The following RBM41 variants were observed in gnomAD, a reference collection of about 807,000 sequenced individuals.
The protein encoded by RBM41 is RNA-binding protein 41.
In RBM41, 14 loss-of-function variants were observed where a neutral mutation model predicts 30.8. That is an observed-to-expected ratio of 0.45 (90% CI 0.30 to 0.71). RBM41 has a LOEUF of 0.71. RBM41 is among the 30% of genes least tolerant of loss of function. The pLI, the probability that RBM41 is intolerant of heterozygous loss-of-function variation, is 0.08. For missense variants in RBM41, 276 were observed against 326.3 expected, an observed-to-expected ratio of 0.85 and a Z score of 1.19; for synonymous variants, 120 against 110.1, an observed-to-expected ratio of 1.09 and a Z score of -0.56.
rs985954678 is a variant in RBM41 at position 107,106,051 on chromosome X, CGAAAGAAACTACCATCAGAGT to C, written c.595+7325_595+7345del. Among the ~76,000 whole-genome samples, 4 of 111,242 alleles carry C rather than the reference CGAAAGAAACTACCATCAGAGT, an allele frequency of 3.6e-5. No homozygotes were observed. In the Admixed American group the frequency reaches 3.8e-4, roughly 11 times the overall value. On this transcript the variant is annotated intron_variant, in intron 5 of 7. Transcript: ENST00000685964. ...ATTAAACTAAAGAGCTTCTGTACAG[CGAAAGAAACTACCATCAGAGT>C]GAACAGGCAATCTACAGAATGGGAG...
In RBM41 at chrX:107,087,699, G is replaced by A. The variant is rs1450733002; in HGVS notation, c.999+737C>T. Reference sequence around the variant, plus strand: ...CGGCTCACTGCAACCTCCGCCTCCCGGGTTCAAGTGATTCTCCTGCCTCAG... The same window carrying A: ...CGGCTCACTGCAACCTCCGCCTCCCAGGTTCAAGTGATTCTCCTGCCTCAG... On this transcript the variant is annotated intron_variant, in intron 6 of 7. Transcript: ENST00000685964. 3.6e-5 allele frequency among the ~76,000 whole-genome samples: 4 copies of A among 112,003 alleles called. No homozygotes were observed. The Admixed American group carries it at 3.8e-4, about 11-fold the overall frequency.
In RBM41 at chrX:107,076,109, A is replaced by G. The variant is rs188699102; in HGVS notation, c.1000-6707T>C. ...GAAGCAGGCAGATCATGAGGTCAGG[A>G]GTTTGAGACCAGCCTGGCCAACATA... On this transcript the variant is annotated intron_variant, in intron 6 of 7. Coordinates refer to ENST00000685964, the MANE Select transcript of RBM41 (RefSeq NM_001324242.2). Among the ~76,000 whole-genome samples, 32 of 110,156 alleles carry G rather than the reference A, an allele frequency of 2.9e-4. 1 individual carries two copies. Among genetic ancestry groups the G allele is most frequent in the African/African-American group, 1.1e-3 (32 of 30,303 alleles).
intron 6 of RBM41, among the ~76,000 whole-genome samples, chrX:107,083,917 G>GTT (rs775394889): frequency 1.1e-5 from 1 of 95,052 alleles, no homozygotes; most frequent in Non-Finnish European, 2.1e-5. Context: ...CAGAATGTGT[G>GTT]TTTTTTTTTT....
intron 6 of RBM41, chrX:107,070,552 C>T (rs1478250584): frequency 8.6e-6 from 2 of 232,910 alleles, no homozygotes; most frequent in Non-Finnish European, 1.6e-5. Context: ...AGATTCCAAT[C>T]TGCTTTTTAG....
intron 5 of RBM41, among the ~76,000 whole-genome samples, chrX:107,093,531 G>T (rs1362437077): frequency 9.0e-6 from 1 of 111,576 alleles, no homozygotes; most frequent in Non-Finnish European, 1.9e-5. Flanking sequence ...AAAATATTTT[G>T]ACCTCAATGA....
chrX:107,107,976 A>ATTCAAT (rs1190337816), intron 5 of RBM41, among the ~76,000 whole-genome samples: 1 of 111,512 alleles, frequency 9.0e-6, no homozygotes, highest in Non-Finnish European at 1.9e-5. Flanking sequence ...TCACTGATTC[A>ATTCAAT]AGGTTAGAAA....
intron 6 of RBM41, among the ~76,000 whole-genome samples, chrX:107,075,238 G>A (rs1027726565): frequency 4.5e-5 from 5 of 111,771 alleles, no homozygotes; most frequent in African/African-American, 9.7e-5. Flanking sequence ...CTTATCTTAC[G>A]CCATACACAC....
At position 107,113,470 on chromosome X, in the gene RBM41, T is replaced by C; in HGVS notation, c.524-2A>G. 1 of 982,694 alleles carries C rather than the reference T, an allele frequency of 1.0e-6. No homozygotes were observed. The highest frequency in any genetic ancestry group is 1.3e-6 in the Non-Finnish European group (1 of 755,995). The allele number at this position is 982,694 out of a possible 1,213,427, so 81.0% of individuals were successfully genotyped here. A position where few individuals can be genotyped will look rare whatever the true frequency, so the allele number is the denominator to read the frequency against. ...CTGCACTTGTCTTTTTGTGGTATGC[T>C]GTGAAGGTTTAAAGCAAGGAGTTTC... On this transcript the variant is annotated splice_acceptor_variant, in intron 4 of 7. Transcript: ENST00000685964. LOFTEE classifies it high-confidence loss of function.
Position 107,067,289 on chromosome X carries a change from A to G in RBM41, c.*238T>C. 1.1e-6 allele frequency: 1 copy of G among 897,795 alleles called. No individual in the cohort carries two copies. Among genetic ancestry groups the G allele is most frequent in the Non-Finnish European group, 1.4e-6 (1 of 728,836 alleles). The allele number at this position is 897,795 out of a possible 1,213,427, so 74.0% of individuals were successfully genotyped here. ...ATCCGTTGTAATTCATCCTGAGAAA[A>G]TAATACTCTTTGCACTTTACCCTTC... is the stretch of plus-strand genomic sequence containing the variant. On this transcript the variant is annotated 3_prime_UTR_variant, in exon 8 of 8. Transcript: ENST00000685964.
chrX:107,075,528 TC>T (rs1336243728), intron 6 of RBM41, among the ~76,000 whole-genome samples: 3 of 111,714 alleles, frequency 2.7e-5, no homozygotes, highest in Non-Finnish European at 5.6e-5. Context: ...TATAAGGAAC[TC>T]TACAACTTGA....
chrX:107,071,051 T>A (rs1936041684), intron 6 of RBM41, among the ~76,000 whole-genome samples: 1 of 89,067 alleles, frequency 1.1e-5, no homozygotes, highest in South Asian at 5.6e-4. Flanking sequence ...TGAGACCCTG[T>A]CTCAAAAAAA....
At chrX:107,080,505 G>C (rs1371050859) in intron 6 of RBM41, among the ~76,000 whole-genome samples, 1 of 111,709 alleles carries the variant, frequency 9.0e-6, no homozygotes, top group Non-Finnish European at 1.9e-5. Context: ...TTGAACCAGG[G>C]AGGCAGAGGT....
rs139314062 is a variant in RBM41 at position 107,110,345 on chromosome X, G to A, written c.595+3052C>T. On this transcript the variant is annotated intron_variant, in intron 5 of 7. Coordinates refer to ENST00000685964, the MANE Select transcript of RBM41 (RefSeq NM_001324242.2). ...ATACATAAAAGGCAACCCATGAAAG[G>A]ATCAACTGATAAACAAGATTTGAAA... 4.8e-3 allele frequency among the ~76,000 whole-genome samples: 539 copies of A among 111,285 alleles called. 3 individuals carry two copies. The highest frequency in any genetic ancestry group is 8.4e-3 in the Non-Finnish European group (440 of 52,667).
At chrX:107,100,853 A>C (rs984464207) in intron 5 of RBM41, among the ~76,000 whole-genome samples, 2 of 112,101 alleles carry the variant, frequency 1.8e-5, no homozygotes, top group African/African-American at 6.5e-5. Flanking sequence ...AAACAACCCA[A>C]ATGTGCAACT....
chrX:107,077,289 G>A (rs1013534002), intron 6 of RBM41, among the ~76,000 whole-genome samples: 1 of 110,818 alleles, frequency 9.0e-6, no homozygotes, highest in Non-Finnish European at 1.9e-5. Context: ...ATGCCACCAC[G>A]CCCAGCTAAT....
downstream of RBM41, among the ~76,000 whole-genome samples, chrX:107,060,043 G>C (rs1935615409): frequency 9.0e-6 from 1 of 110,718 alleles, no homozygotes; most frequent in Non-Finnish European, 1.9e-5. Flanking sequence ...AGAAAACAAG[G>C]AAGTGGGCAA....
chrX:107,070,260 C>T, intron 6 of RBM41: 1 of 331,066 alleles, frequency 3.0e-6, no homozygotes, highest in South Asian at 2.6e-5. Flanking sequence ...ATGGGGAATG[C>T]CATACATGGC....
At chrX:107,096,486 A>G (rs1922973865) in intron 5 of RBM41, among the ~76,000 whole-genome samples, 1 of 112,343 alleles carries the variant, frequency 8.9e-6, no homozygotes, top group Non-Finnish European at 1.9e-5. Flanking sequence ...TTTTCCACAA[A>G]GGTGCCAAGA....
the RBM41 span, among the ~76,000 whole-genome samples, chrX:107,056,238 T>C: frequency 8.9e-6 from 1 of 112,140 alleles, no homozygotes; most frequent in African/African-American, 3.2e-5. Context: ...CTGGGATAAA[T>C]CACATATGGT....
Sources: allele counts gnomAD v4.1 joint callset (sites outside exome capture counted in the v4.1 genomes callset), GRCh38; gene constraint gnomAD v4.1.1; transcripts MANE v1.5; gene names NCBI Gene and HGNC (gene_info 2026-07-23, HGNC 2026-07-21).